Variants in CHN2 observed in about 807,000 individuals in gnomAD.
CHN2 encodes beta-chimaerin.
A neutral mutation model predicts 56.3 loss-of-function variants in CHN2; 35 were observed. The ratio of observed to expected loss-of-function variants is 0.62; its 90% CI spans 0.47 to 0.82. The LOEUF is 0.82. Ranked by LOEUF, CHN2 falls within the 40% of genes least tolerant of loss-of-function variation. The pLI is 0.00. For synonymous variants in CHN2, 210 were observed against 212.8 expected (o/e 0.99, Z 0.12); for missense variants, 491 against 580.5 (o/e 0.85, Z 1.58).
intron 6 of CHN2, among the ~76,000 whole-genome samples, chr7:29,412,488 C>A (rs1210731017): frequency 6.6e-6 from 1 of 151,970 alleles, no homozygotes; most frequent in Non-Finnish European, 1.5e-5. Flanking sequence ...CACACCACCA[C>A]ACCCAGCTAA....
intron 2 of CHN2, among the ~76,000 whole-genome samples, chr7:29,189,597 A>G (rs920022534): frequency 6.6e-6 from 1 of 152,106 alleles, no homozygotes; most frequent in Non-Finnish European, 1.5e-5. Flanking sequence ...AAGGTGCAAC[A>G]TGCAGAAGAA....
At chr7:29,183,081 CTTTTTTT>C (rs34942216) in intron 2 of CHN2, among the ~76,000 whole-genome samples, 27 of 131,902 alleles carry the variant, frequency 2.0e-4, no homozygotes, top group African/African-American at 6.6e-4. Context: ...ACATGGCAGA[CTTTTTTT>C]TTTTTTTTTT....
chr7:29,412,754 C>T (rs1268833704), intron 6 of CHN2, among the ~76,000 whole-genome samples: 2 of 152,044 alleles, frequency 1.3e-5, no homozygotes, highest in African/African-American at 4.8e-5. Flanking sequence ...GCCACGAGAG[C>T]CCTCTGTTGG....
At chr7:29,339,552 G>A (rs779789741) in intron 1 of CHN2, among the ~76,000 whole-genome samples, 2 of 152,052 alleles carry the variant, frequency 1.3e-5, no homozygotes, top group Non-Finnish European at 2.9e-5. Context: ...TTTTTTGTTA[G>A]CCATATTATA....
intron 2 of CHN2, among the ~76,000 whole-genome samples, chr7:29,364,163 A>G (rs564691126): frequency 6.6e-6 from 1 of 152,320 alleles, no homozygotes; most frequent in African/African-American, 2.4e-5. Flanking sequence ...TGGTTTCTTA[A>G]GAAGATTCAA....
At chr7:29,392,638 C>T (rs1232508868) in intron 3 of CHN2, among the ~76,000 whole-genome samples, 1 of 152,158 alleles carries the variant, frequency 6.6e-6, no homozygotes, top group East Asian at 1.9e-4. Context: ...TGAGCCTCTT[C>T]CCCTAGCTCC....
intron 1 of CHN2, among the ~76,000 whole-genome samples, chr7:29,340,687 C>G (rs1356595228): frequency 6.6e-6 from 1 of 152,180 alleles, no homozygotes; most frequent in Non-Finnish European, 1.5e-5. Context: ...AAATATAGGA[C>G]AAGATAGAGG....
At chr7:29,419,546 A>C (rs537404248) in intron 6 of CHN2, among the ~76,000 whole-genome samples, 4 of 152,328 alleles carry the variant, frequency 2.6e-5, no homozygotes, top group Admixed American at 2.6e-4. Context: ...TGAAAAGGCA[A>C]CTTATGGAAT....
At chr7:29,202,175 G>A (rs1005970568) in intron 1 of CHN2, among the ~76,000 whole-genome samples, 1 of 152,138 alleles carries the variant, frequency 6.6e-6, no homozygotes, top group African/African-American at 2.4e-5. Flanking sequence ...ACATCGTAAG[G>A]AAAACTGTGA....
chr7:29,155,114 C>T (rs1010762614), intron 2 of CHN2, among the ~76,000 whole-genome samples: 16 of 152,114 alleles, frequency 1.1e-4, no homozygotes, highest in Non-Finnish European at 2.2e-4. Flanking sequence ...AATTACCTCC[C>T]ACCAGGTCCC....
At chr7:29,204,067 CTGTGTGTG>C (rs55930139) in intron 1 of CHN2, among the ~76,000 whole-genome samples, 19,048 of 128,578 alleles carry the variant, frequency 0.15, 1,315 homozygotes, top group African/African-American at 0.21. Context: ...TTCTCTCTCT[CTGTGTGTG>C]TGTGTGTGTG....
intron 6 of CHN2, among the ~76,000 whole-genome samples, chr7:29,433,666 G>A (rs762224136): frequency 6.6e-6 from 1 of 151,934 alleles, no homozygotes; most frequent in African/African-American, 2.4e-5. Flanking sequence ...GCGAAACCCC[G>A]TCTCTACTAA....
Position 29,367,250 on chromosome 7 carries a change from T to C in CHN2, c.89-682T>C, listed in dbSNP as rs116769590. Among the ~76,000 whole-genome samples the C allele has an allele frequency of 4.8e-3, 732 of 152,298 alleles. 4 individuals are homozygous for C. Among genetic ancestry groups the C allele is most frequent in the African/African-American group, 0.016 (676 of 41,560 alleles). ...TTGCTTTATATACAATGACCTGCCT[T>C]CCTCCTTGCCTAAGCCTGAAAGTCT... is the stretch of plus-strand genomic sequence containing the variant. On this transcript the variant is annotated intron_variant, in intron 2 of 12. Coordinates refer to ENST00000222792, the MANE Select transcript of CHN2 (RefSeq NM_004067.4).
intron 2 of CHN2, among the ~76,000 whole-genome samples, chr7:29,174,690 A>T (rs1797046608): frequency 6.6e-6 from 1 of 152,138 alleles, no homozygotes; most frequent in South Asian, 2.1e-4. Flanking sequence ...GTGAAACCCC[A>T]TCTATGCTAA....
At chr7:29,159,560 A>C (rs529796583) in intron 2 of CHN2, among the ~76,000 whole-genome samples, 20 of 152,210 alleles carry the variant, frequency 1.3e-4, no homozygotes, top group African/African-American at 4.8e-4. Context: ...AGAGTGATGA[A>C]ATGGGGTGGC....
intron 7 of CHN2, chr7:29,483,850 C>A: frequency 7.7e-7 from 1 of 1,296,478 alleles, no homozygotes; most frequent in Non-Finnish European, 1.0e-6. Context: ...GCATAGTACT[C>A]CTGGCCACAC....
intron 1 of CHN2, among the ~76,000 whole-genome samples, chr7:29,207,385 A>G (rs1237882340): frequency 6.6e-6 from 1 of 152,052 alleles, no homozygotes; most frequent in East Asian, 1.9e-4. Context: ...ATAGTTCCAT[A>G]GAGACTTGCT....
intron 1 of CHN2, among the ~76,000 whole-genome samples, chr7:29,271,165 C>T (rs1028774014): frequency 3.3e-5 from 5 of 152,124 alleles, no homozygotes; most frequent in Admixed American, 6.5e-5. Context: ...CCAACTCCCT[C>T]TTTTAGTCAG....
At chr7:29,347,226 C>A (rs1479431501) in intron 1 of CHN2, among the ~76,000 whole-genome samples, 2 of 152,052 alleles carry the variant, frequency 1.3e-5, no homozygotes, top group African/African-American at 4.8e-5. Context: ...ATTTTGAAGG[C>A]CATTTTAAAA....
Sources: allele counts gnomAD v4.1 joint callset (sites outside exome capture counted in the v4.1 genomes callset), GRCh38; gene constraint gnomAD v4.1.1; transcripts MANE v1.5; gene names NCBI Gene and HGNC (gene_info 2026-07-23, HGNC 2026-07-21).